The following SLC66A1 variants were observed in gnomAD, a reference collection of about 807,000 sequenced individuals.
The protein encoded by SLC66A1 is solute carrier family 66 member 1, also known as lysosomal amino acid transporter 1 homolog.
Under a neutral mutation model 33.0 loss-of-function variants are expected in SLC66A1, and 23 were observed. That is an observed-to-expected ratio of 0.70 (90% CI 0.50 to 0.99). The LOEUF is 0.99. SLC66A1 is among the 50% of genes least tolerant of loss of function. The pLI is 0.00. For synonymous variants in SLC66A1, 164 were observed against 175.5 expected, an observed-to-expected ratio of 0.93 and a Z score of 0.52; for missense variants, 335 against 383.6, an observed-to-expected ratio of 0.87 and a Z score of 1.06.
At chr1:19,326,439 G>GCTCTC (rs1412167175) in intron 5 of SLC66A1, 52 bp downstream of exon 5, 2 of 1,608,800 alleles carry the variant, frequency 1.2e-6, no homozygotes, top group East Asian at 4.5e-5. Flanking sequence ...CATCCCCAGG[G>GCTCTC]CTCTCCCCTG....
At chr1:19,325,024 C>T (rs1252825144) in intron 3 of SLC66A1, among the ~76,000 whole-genome samples, 2 of 152,238 alleles carry the variant, frequency 1.3e-5, no homozygotes, top group Non-Finnish European at 2.9e-5. Context: ...CTCCAGGGTG[C>T]TGGAGTGCTG....
chr1:19,327,474 AC>A, intron 7 of SLC66A1, 62 bp downstream of exon 7: 1 of 1,534,154 alleles, frequency 6.5e-7, no homozygotes, highest in East Asian at 2.3e-5. Flanking sequence ...CTGCCTGCAC[AC>A]AGCGTCAGCA....
At chr1:19,318,554 C>G (rs1042453987) in intron 2 of SLC66A1, among the ~76,000 whole-genome samples, 2 of 152,178 alleles carry the variant, frequency 1.3e-5, no homozygotes, top group Admixed American at 1.3e-4. Flanking sequence ...TTGCACAAGC[C>G]TGAAAGCTGT....
chr1:19,313,664 G>A (rs1028680299), intron 1 of SLC66A1, among the ~76,000 whole-genome samples: 3 of 152,214 alleles, frequency 2.0e-5, no homozygotes, highest in East Asian at 1.9e-4. Flanking sequence ...GAGATGGCAC[G>A]TGCAGAAGCC....
At chr1:19,327,530 T>TCCCTCCCTCCCC (rs2093875043) in intron 7 of SLC66A1, 118 bp downstream of exon 7, 3 of 772,936 alleles carry the variant, frequency 3.9e-6, no homozygotes, top group Admixed American at 3.4e-5. Context: ...CATCCATCCA[T>TCCCTCCCTCCCC]CCCTCCCTCC....
chr1:19,329,357 A>C (rs1317300105), downstream of SLC66A1: 1 of 152,426 alleles, frequency 6.6e-6, no homozygotes, highest in Admixed American at 6.6e-5. Flanking sequence ...TGCTTTGGGG[A>C]CCAGCGGTGG....
At chr1:19,319,621 T>TTTTTTG (rs1343830305) in intron 2 of SLC66A1, among the ~76,000 whole-genome samples, 1 of 149,082 alleles carries the variant, frequency 6.7e-6, no homozygotes, top group African/African-American at 2.5e-5. Context: ...TTTTTTTTTT[T>TTTTTTG]GCCTGGTGCA....
chr1:19,316,582 C>T (rs1398970795), intron 1 of SLC66A1, among the ~76,000 whole-genome samples: 1 of 151,678 alleles, frequency 6.6e-6, no homozygotes, highest in African/African-American at 2.4e-5. Flanking sequence ...ATGGAGACAG[C>T]GTTGCCCAGC....
At chr1:19,332,679 C>T (rs115342533), downstream of SLC66A1, among the ~76,000 whole-genome samples, 421 of 152,324 alleles carry the variant, frequency 2.8e-3, 3 homozygotes, top group African/African-American at 9.7e-3. Flanking sequence ...GCCGTGTTTG[C>T]TGATGGTGGG....
chr1:19,322,596 TC>T (rs893034268), intron 2 of SLC66A1, among the ~76,000 whole-genome samples: 1 of 152,092 alleles, frequency 6.6e-6, no homozygotes, highest in Non-Finnish European at 1.5e-5. Context: ...GTCAAGTGTT[TC>T]AAAGGAGGAA....
rs569177720 is a variant in SLC66A1, at chr1:19,319,605, G to GTTTTTTTTTTTTTTTTTTTT, written c.164+1780_164+1781insTTTTTTTTTTTTTTTTTTTT. On this transcript the variant is annotated intron_variant, in intron 2 of 7. Transcript: ENST00000375153. ...GATTAATGTTGCTGTGCACATTCAT[G>GTTTTTTTTTTTTTTTTTTTT]TTTTTTTTTTTTTTTTGCCTGGTGC... 4.5e-5 allele frequency among the ~76,000 whole-genome samples: 5 copies of GTTTTTTTTTTTTTTTTTTTT among 111,860 alleles called. 1 individual carries two copies. The highest frequency in any genetic ancestry group is 2.9e-4 in the South Asian group (1 of 3,508). The allele number at this position is 111,860 out of a possible 152,430, so 73.4% of individuals were successfully genotyped here.
In SLC66A1 at chr1:19,322,203, G is replaced by A. The variant is rs376677349; in HGVS notation, c.165-2430G>A. ...CCCTCACCAGACAGACTGGACGGGTGTAGGTGACTGATGGGGCCGGGGGCG... is the reference window on the plus strand; with the variant it reads ...CCCTCACCAGACAGACTGGACGGGTATAGGTGACTGATGGGGCCGGGGGCG... On this transcript the variant is annotated intron_variant, in intron 2 of 7. Transcript: ENST00000375153. Among the ~76,000 whole-genome samples, 18 of 152,054 alleles carry A rather than the reference G, an allele frequency of 1.2e-4. 2 individuals carry two copies. The highest frequency in any genetic ancestry group is 7.4e-5 in the Non-Finnish European group (5 of 67,956).
chr1:19,330,771 G>A (rs1027320352), downstream of SLC66A1, among the ~76,000 whole-genome samples: 3 of 152,224 alleles, frequency 2.0e-5, no homozygotes, highest in African/African-American at 7.2e-5. Context: ...CCAGCAGCAG[G>A]TGATGGGGTT....
chr1:19,317,568 G>A (rs2093812292), intron 1 of SLC66A1, 32 bp from the exon 2 acceptor site: 2 of 1,513,184 alleles, frequency 1.3e-6, no homozygotes, highest in African/African-American at 1.4e-5. Flanking sequence ...GGACCTCCCA[G>A]TGCTGAAAGC....
At position 19,327,426 on chromosome 1, in the gene SLC66A1, C is replaced by A; in HGVS notation, c.804+14C>A. 1 of 1,574,486 alleles carries A rather than the reference C, an allele frequency of 6.4e-7. No homozygotes were observed. Among genetic ancestry groups the A allele is most frequent in the Middle Eastern group, 2.2e-4 (1 of 4,592 alleles). ...CTCGACACCATCGTATCCTTCAGGG[C>A]GTGTGGGGCAGGTGGCGGGGTGTGG... On this transcript the variant is annotated intron_variant, in intron 7 of 7. Transcript: ENST00000375153.
Position 19,328,201 on chromosome 1 carries a change from C to T in SLC66A1, c.805-371C>T, listed in dbSNP as rs946069705. 3.8e-5 allele frequency: 15 copies of T among 395,206 alleles called. No homozygotes were observed. Among genetic ancestry groups the T allele is most frequent in the East Asian group, 3.5e-4 (6 of 17,276 alleles). 24.5% of individuals were successfully genotyped at this position (395,206 alleles called of 1,614,324 possible). On this transcript the variant is annotated intron_variant, in intron 7 of 7. Coordinates refer to ENST00000375153, the MANE Select transcript of SLC66A1 (RefSeq NM_001040125.2). This position sits in a 1 kb window ranked among gnomAD's most constrained non-coding sequence, Gnocchi z 4.7. ...TAATATTTGTTAAGTCCCTGCCGGG[C>T]GCAGGGAGGGGTGAAAGTTTAGGCT...
chr1:19,322,320 C>T (rs2093842067), intron 2 of SLC66A1, among the ~76,000 whole-genome samples: 1 of 152,060 alleles, frequency 6.6e-6, no homozygotes, highest in African/African-American at 2.4e-5. Context: ...GTTGATTAAC[C>T]AGGGAGGGGA....
chr1:19,313,168 A>T, intron 1 of SLC66A1: 1 of 984,958 alleles, frequency 1.0e-6, no homozygotes, highest in Non-Finnish European at 1.2e-6. Flanking sequence ...TTCAGATGAG[A>T]ACTACGAAGC....
rs373500102 is a variant in SLC66A1 at position 19,328,366 on chromosome 1, T to C, written c.805-206T>C. Among the ~76,000 whole-genome samples, 93 of 152,168 alleles carry C rather than the reference T, an allele frequency of 6.1e-4. No homozygotes were observed. In the South Asian group the frequency reaches 1.0e-2, roughly 16 times the overall value. On this transcript the variant is annotated intron_variant, in intron 7 of 7. Coordinates refer to ENST00000375153, the MANE Select transcript of SLC66A1 (RefSeq NM_001040125.2). This position sits in a 1 kb window ranked among gnomAD's most constrained non-coding sequence, Gnocchi z 4.7. ...TGCTAGGCTTGGAGACAGATGGAGCTTGGCTAGGGCTTGAGGAGCCGGGCA... is the reference window on the plus strand; with the variant it reads ...TGCTAGGCTTGGAGACAGATGGAGCCTGGCTAGGGCTTGAGGAGCCGGGCA...
Sources: gnomAD v4.1 joint callset for allele counts (sites outside exome capture counted in the v4.1 genomes callset) on GRCh38, gnomAD v4.1.1 for gene constraint, Gnocchi (gnomAD v3.1) non-coding constraint, MANE v1.5 for transcripts, NCBI Gene and HGNC (gene_info 2026-07-23, HGNC 2026-07-21) for gene names.